Variants in PTPN14 observed in about 807,000 individuals in gnomAD.
PTPN14 encodes protein tyrosine phosphatase non-receptor type 14, also known as tyrosine-protein phosphatase non-receptor type 14.
In PTPN14, 53 loss-of-function variants were observed where a neutral mutation model predicts 126.8. That is an observed-to-expected ratio of 0.42 (90% CI 0.34 to 0.53). The LOEUF is 0.53. PTPN14 is among the 20% of genes least tolerant of loss of function. The pLI is 0.08. For synonymous variants in PTPN14, 630 were observed against 599.3 expected (o/e 1.05, Z -0.75); for missense variants, 1,257 against 1,552.9 (o/e 0.81, Z 3.20).
At chr1:214,466,089 T>G (rs1660631258) in intron 1 of PTPN14, among the ~76,000 whole-genome samples, 1 of 151,042 alleles carries the variant, frequency 6.6e-6, no homozygotes, top group Non-Finnish European at 1.5e-5. Context: ...CCCAAGTAGC[T>G]GGGATTACAG....
At chr1:214,479,112 G>A (rs1327971228) in intron 1 of PTPN14, among the ~76,000 whole-genome samples, 3 of 151,872 alleles carry the variant, frequency 2.0e-5, no homozygotes, top group African/African-American at 4.8e-5. Context: ...TTGGGAGATC[G>A]AGGTGGAATG....
At chr1:214,396,811 T>C (rs998888711) in intron 8 of PTPN14, among the ~76,000 whole-genome samples, 14 of 152,236 alleles carry the variant, frequency 9.2e-5, no homozygotes, top group African/African-American at 2.7e-4. Context: ...GAAACATTGA[T>C]TTAACTATGA....
chr1:214,385,866 T>C (rs1252802755), intron 12 of PTPN14, among the ~76,000 whole-genome samples: 1 of 152,170 alleles, frequency 6.6e-6, no homozygotes, highest in African/African-American at 2.4e-5. Flanking sequence ...CGCCTTCCCA[T>C]AGAAATGTGG....
At chr1:214,505,936 CAG>C (rs1339963395) in intron 1 of PTPN14, among the ~76,000 whole-genome samples, 1 of 152,054 alleles carries the variant, frequency 6.6e-6, no homozygotes, top group Non-Finnish European at 1.5e-5. Flanking sequence ...TATTCCAACT[CAG>C]AGCGAATAGT....
At chr1:214,501,534 G>A (rs1475422389) in intron 1 of PTPN14, among the ~76,000 whole-genome samples, 1 of 151,964 alleles carries the variant, frequency 6.6e-6, no homozygotes, top group Non-Finnish European at 1.5e-5. Flanking sequence ...GAATGACCAC[G>A]CCCAGCCCAA....
At chr1:214,467,954 G>A (rs1347568408) in intron 1 of PTPN14, among the ~76,000 whole-genome samples, 1 of 152,118 alleles carries the variant, frequency 6.6e-6, no homozygotes. Context: ...ATGAGGAGGG[G>A]GAGGCCGTAC....
intron 11 of PTPN14, among the ~76,000 whole-genome samples, chr1:214,388,858 G>A (rs1056876123): frequency 2.6e-5 from 4 of 152,182 alleles, no homozygotes; most frequent in Admixed American, 1.3e-4. Flanking sequence ...AGAGCTTGAA[G>A]CTGGGTGAAT....
intron 1 of PTPN14, among the ~76,000 whole-genome samples, chr1:214,473,472 G>A (rs1443214081): frequency 1.3e-5 from 2 of 152,110 alleles, no homozygotes; most frequent in African/African-American, 4.8e-5. Context: ...TTAAAGATAA[G>A]TTCTGAAATC....
chr1:214,527,654 T>G (rs1655433885), intron 1 of PTPN14, among the ~76,000 whole-genome samples: 1 of 152,240 alleles, frequency 6.6e-6, no homozygotes, highest in Admixed American at 6.5e-5. Flanking sequence ...TCCAAGATTC[T>G]GAACGGTCAT....
At chr1:214,469,827 C>CG (rs34975154) in intron 1 of PTPN14, among the ~76,000 whole-genome samples, 2 of 143,172 alleles carry the variant, frequency 1.4e-5, no homozygotes, top group Admixed American at 7.1e-5. Context: ...TGGGGAAAGG[C>CG]GGGGGTATGT....
At chr1:214,407,223 G>A (rs574402767) in intron 5 of PTPN14, among the ~76,000 whole-genome samples, 2 of 152,276 alleles carry the variant, frequency 1.3e-5, no homozygotes, top group African/African-American at 2.4e-5. Context: ...TTACTTGGAG[G>A]GAAATAAAAT....
At chr1:214,464,423 C>T (rs990825430) in intron 2 of PTPN14, among the ~76,000 whole-genome samples, 1 of 152,216 alleles carries the variant, frequency 6.6e-6, no homozygotes, top group Non-Finnish European at 1.5e-5. Flanking sequence ...CCATGCAGCT[C>T]TAGGCGGTGT....
At chr1:214,519,009 C>T (rs1209975209) in intron 1 of PTPN14, among the ~76,000 whole-genome samples, 2 of 152,146 alleles carry the variant, frequency 1.3e-5, no homozygotes, top group African/African-American at 2.4e-5. Context: ...CAGCTCATGC[C>T]TGTAATCCTA....
In PTPN14 at chr1:214,401,777, A is replaced by C; in HGVS notation, c.582-5T>G. On this transcript the variant is annotated splice_polypyrimidine_tract_variant and splice_region_variant and intron_variant, in intron 6 of 18. Transcript: ENST00000366956. ...GCTTCTGCTGGCAGGATTCCACTAA[A>C]ATCAAAATAGCATCAAAGGAAGAAA... The C allele has an allele frequency of 6.4e-7, 1 of 1,560,880 alleles. No homozygotes were observed. Among genetic ancestry groups the C allele is most frequent in the South Asian group, 1.1e-5 (1 of 89,090 alleles).
At chr1:214,412,467 A>G (rs1659329373) in intron 4 of PTPN14, among the ~76,000 whole-genome samples, 1 of 152,178 alleles carries the variant, frequency 6.6e-6, no homozygotes, top group Non-Finnish European at 1.5e-5. Context: ...CCATGCACCA[A>G]TGTTGAGAAG....
intron 3 of PTPN14, among the ~76,000 whole-genome samples, chr1:214,440,280 G>C (rs1660009729): frequency 6.6e-6 from 1 of 152,262 alleles, no homozygotes; most frequent in Non-Finnish European, 1.5e-5. Context: ...CTCATATTTA[G>C]ATATAAAACT....
At chr1:214,451,579 C>T (rs1660273514) in intron 3 of PTPN14, among the ~76,000 whole-genome samples, 1 of 152,176 alleles carries the variant, frequency 6.6e-6, no homozygotes, top group East Asian at 1.9e-4. Context: ...TCCCTACTAC[C>T]TTACCAGCAT....
intron 1 of PTPN14, among the ~76,000 whole-genome samples, chr1:214,494,763 C>T (rs986667490): frequency 6.6e-6 from 1 of 152,080 alleles, no homozygotes; most frequent in East Asian, 1.9e-4. Context: ...GACTGAGTTA[C>T]CACTACACTA....
At chr1:214,430,026 A>G (rs1437780980) in intron 3 of PTPN14, among the ~76,000 whole-genome samples, 1 of 152,258 alleles carries the variant, frequency 6.6e-6, no homozygotes, top group Non-Finnish European at 1.5e-5. Context: ...GTGACCCAAC[A>G]GTAATAGGGA....
Sources: gnomAD v4.1 joint callset for allele counts (sites outside exome capture counted in the v4.1 genomes callset) on GRCh38, gnomAD v4.1.1 for gene constraint, MANE v1.5 for transcripts, NCBI Gene and HGNC (gene_info 2026-07-23, HGNC 2026-07-21) for gene names.